Variants in TEX36 observed in about 807,000 individuals in gnomAD.
TEX36 encodes testis expressed 36.
Under a neutral mutation model 13.6 loss-of-function variants are expected in TEX36, and 12 were observed. That is an observed-to-expected ratio of 0.88 (90% confidence interval 0.56 to 1.43). The LOEUF is 1.43. TEX36 is among the 40% of genes most tolerant of loss of function. The pLI is 0.00. For missense variants in TEX36, 224 were observed against 228.3 expected (o/e 0.98, Z 0.12); for synonymous variants, 93 against 83.0 (o/e 1.12, Z -0.65).
At chr10:125,609,237 G>A (rs1056949829) in intron 3 of TEX36, among the ~76,000 whole-genome samples, 40 of 151,942 alleles carry the variant, frequency 2.6e-4, no homozygotes, top group African/African-American at 9.0e-4. Context: ...AACATTCTCT[G>A]TGTGGAGTTG....
At chr10:125,611,719 T>A (rs759125727) in intron 3 of TEX36, among the ~76,000 whole-genome samples, 3 of 152,196 alleles carry the variant, frequency 2.0e-5, no homozygotes, top group Non-Finnish European at 4.4e-5. Flanking sequence ...CTTTAAATGT[T>A]GACAGGGTCA....
intron 1 of TEX36, among the ~76,000 whole-genome samples, chr10:125,663,913 AC>A (rs1282680523): frequency 6.6e-6 from 1 of 151,982 alleles, no homozygotes; most frequent in African/African-American, 2.4e-5. Context: ...GACTGTAGTC[AC>A]CCCCCTGTCA....
At chr10:125,648,219 G>A (rs1224622930) in intron 3 of TEX36, among the ~76,000 whole-genome samples, 3 of 152,232 alleles carry the variant, frequency 2.0e-5, no homozygotes, top group African/African-American at 7.2e-5. Context: ...GTGGGTCCCT[G>A]ACCCCTGAGT....
At chr10:125,663,632 C>T (rs1461363164) in intron 1 of TEX36, among the ~76,000 whole-genome samples, 2 of 152,296 alleles carry the variant, frequency 1.3e-5, no homozygotes, top group South Asian at 2.1e-4. Context: ...TTTTTATTTG[C>T]ATTCCCCTGA....
chr10:125,645,962 T>G (rs1185476429), intron 3 of TEX36, among the ~76,000 whole-genome samples: 1 of 152,114 alleles, frequency 6.6e-6, no homozygotes, highest in Non-Finnish European at 1.5e-5. Flanking sequence ...AGAAATTAAT[T>G]AATAAAATGT....
chr10:125,581,196 C>T (rs1266428402), intron 3 of TEX36, among the ~76,000 whole-genome samples: 1 of 152,156 alleles, frequency 6.6e-6, no homozygotes, highest in African/African-American at 2.4e-5. Context: ...CAGGCACACC[C>T]TAAACAGGGA....
chr10:125,654,339 T>C (rs1050061701), downstream of TEX36, among the ~76,000 whole-genome samples: 1 of 152,012 alleles, frequency 6.6e-6, no homozygotes. Flanking sequence ...AAATAGCCAA[T>C]AGAATATCAA....
At chr10:125,588,733 G>A (rs960463532) in intron 3 of TEX36, among the ~76,000 whole-genome samples, 5 of 152,206 alleles carry the variant, frequency 3.3e-5, no homozygotes, top group African/African-American at 1.2e-4. Context: ...TCCTGCCTCA[G>A]CCTCCCGAGT....
intron 3 of TEX36, among the ~76,000 whole-genome samples, chr10:125,595,859 T>G (rs923539271): frequency 1.3e-5 from 2 of 152,210 alleles, no homozygotes; most frequent in African/African-American, 4.8e-5. Flanking sequence ...CTGTCTAGAA[T>G]GTAAACCCTA....
intron 1 of TEX36, among the ~76,000 whole-genome samples, chr10:125,664,613 A>G (rs1203193023): frequency 6.6e-6 from 1 of 152,146 alleles, no homozygotes; most frequent in Non-Finnish European, 1.5e-5. Flanking sequence ...AGTGTGGCAC[A>G]TCCCCCTTTG....
At chr10:125,585,434 T>C (rs1167059178) in intron 3 of TEX36, among the ~76,000 whole-genome samples, 1 of 151,944 alleles carries the variant, frequency 6.6e-6, no homozygotes, top group Admixed American at 6.6e-5. Context: ...AGAAGCAAGG[T>C]CTCTTCAACC....
chr10:125,659,939 C>T (rs1847006886), intron 3 of TEX36, among the ~76,000 whole-genome samples: 1 of 152,150 alleles, frequency 6.6e-6, no homozygotes, highest in Non-Finnish European at 1.5e-5. Context: ...GTCTGGTAGC[C>T]CCTAGCCACA....
At position 125,682,946 on chromosome 10, in the gene TEX36, C is replaced by T; in HGVS notation, c.44G>A (p.Gly15Glu). The T allele has an allele frequency of 6.4e-7, 1 of 1,551,752 alleles. No individual in the cohort carries two copies. The highest frequency in any genetic ancestry group is 1.2e-5 in the South Asian group (1 of 84,066). ...RRFNPPSDKD[G>E]RWFPHIGLTQ... ...GGCCACCATCTTCCTTACCCATCTC[C>T]CATCCTTGTCTGAAGGTGGGTTGAA... Residue 15 changes from glycine (G) to glutamate (E), a missense_variant, in exon 1 of 4, where the codon GGG becomes GAG. Gly to Glu is a moderately conservative substitution (Grantham distance 98). Coordinates refer to ENST00000368821, the MANE Select transcript of TEX36 (RefSeq NM_001128202.3).
chr10:125,621,762 A>G, intron 3 of TEX36: 1 of 421,356 alleles, frequency 2.4e-6, no homozygotes, highest in Non-Finnish European at 4.7e-6. Context: ...CCCAGAAGCC[A>G]CTGGTTCAAG....
At chr10:125,643,840 A>G (rs1234741173) in intron 3 of TEX36, among the ~76,000 whole-genome samples, 2 of 152,204 alleles carry the variant, frequency 1.3e-5, no homozygotes, top group Non-Finnish European at 2.9e-5. Flanking sequence ...TTGCCTGAAT[A>G]GGCAGAGATT....
chr10:125,612,498 C>T (rs1169148185), intron 3 of TEX36, among the ~76,000 whole-genome samples: 1 of 152,142 alleles, frequency 6.6e-6, no homozygotes, highest in Non-Finnish European at 1.5e-5. Context: ...AGCTAATATA[C>T]ATATATACAT....
rs142574535 is a variant in TEX36 at position 125,602,714 on chromosome 10, G to A, written c.265-25840C>T. ...ATGAAGTGGAGAAAGCAAAGGTGAA[G>A]GTACAGAATAAGTCTAGACACATTT... is the stretch of plus-strand genomic sequence containing the variant. On this transcript the variant is annotated intron_variant, in intron 3 of 3. Coordinates refer to the TEX36 transcript ENST00000532135. Among the ~76,000 whole-genome samples the A allele has an allele frequency of 7.5e-3, 1,139 of 152,258 alleles. 19 individuals are homozygous for A. Among genetic ancestry groups the A allele is most frequent in the African/African-American group, 0.026 (1,076 of 41,534 alleles).
chr10:125,610,751 A>G (rs1453704704), intron 3 of TEX36, among the ~76,000 whole-genome samples: 2 of 152,176 alleles, frequency 1.3e-5, no homozygotes, highest in Non-Finnish European at 2.9e-5. Context: ...TCTTCCTGAG[A>G]TCACACAGAT....
chr10:125,603,806 C>A (rs1846179916), intron 3 of TEX36, among the ~76,000 whole-genome samples: 1 of 152,098 alleles, frequency 6.6e-6, no homozygotes, highest in African/African-American at 2.4e-5. Flanking sequence ...AGATGATACA[C>A]CCCCCTCCAC....
Sources: gnomAD v4.1 joint callset for allele counts (sites outside exome capture counted in the v4.1 genomes callset) on GRCh38, gnomAD v4.1.1 for gene constraint, MANE v1.5 for transcripts, NCBI Gene and HGNC (gene_info 2026-07-23, HGNC 2026-07-21) for gene names.